The following FSD1L variants were observed in gnomAD, a reference collection of about 807,000 sequenced individuals.
FSD1L encodes the protein fibronectin type III and SPRY domain containing 1 like, also known as FSD1-like protein.
A neutral mutation model predicts 71.6 loss-of-function variants in FSD1L; 45 were observed. That is an observed-to-expected ratio of 0.63 (90% CI 0.49 to 0.81). The LOEUF is 0.81. Among genes scored for constraint, FSD1L ranks in the 30% least tolerant of loss-of-function variants. The pLI, the probability that FSD1L is intolerant of heterozygous loss-of-function variation, is 0.00. For synonymous variants in FSD1L, 197 were observed against 207.2 expected, an observed-to-expected ratio of 0.95 and a Z score of 0.42; for missense variants, 561 against 618.1, an observed-to-expected ratio of 0.91 and a Z score of 0.98.
chr9:105,467,243 A>G (rs1482589698), intron 3 of FSD1L, among the ~76,000 whole-genome samples: 1 of 152,182 alleles, frequency 6.6e-6, no homozygotes, highest in Non-Finnish European at 1.5e-5. Context: ...TAGTTTTTAT[A>G]AACATTATAA....
chr9:105,466,326 T>C (rs1831065348), intron 3 of FSD1L, among the ~76,000 whole-genome samples: 1 of 152,218 alleles, frequency 6.6e-6, no homozygotes, highest in Admixed American at 6.5e-5. Flanking sequence ...ATCTACAGAT[T>C]CATTGTAATC....
chr9:105,494,595 A>C (rs941855552), intron 7 of FSD1L, among the ~76,000 whole-genome samples: 1 of 151,996 alleles, frequency 6.6e-6, no homozygotes, highest in Non-Finnish European at 1.5e-5. Context: ...TAGAGTTTCC[A>C]GTTTTTCTGT....
At chr9:105,530,535 G>T in intron 10 of FSD1L, 1 of 677,912 alleles carries the variant, frequency 1.5e-6, no homozygotes. Flanking sequence ...TTGTTTTTCT[G>T]TTATCAAAAG....
intron 10 of FSD1L, among the ~76,000 whole-genome samples, chr9:105,515,096 C>G (rs894630854): frequency 6.6e-6 from 1 of 152,072 alleles, no homozygotes; most frequent in African/African-American, 2.4e-5. Context: ...GGAATTGCAA[C>G]TCTCTCTCGA....
rs571155513 is a variant in FSD1L at position 105,492,596 on chromosome 9, T to C, written c.586+8094T>C. ...AGTTCTTTTAATTGTGATGTTAGGG[T>C]GTGAATTTTGGATCTTTTCTGCTTT... On this transcript the variant is annotated intron_variant, in intron 7 of 13. Coordinates refer to ENST00000481272, the MANE Select transcript of FSD1L (RefSeq NM_001145313.3). Among the ~76,000 whole-genome samples, 462 of 152,274 alleles carry C rather than the reference T, an allele frequency of 3.0e-3. 3 individuals carry two copies. The highest frequency in any genetic ancestry group is 0.011 in the African/African-American group (446 of 41,540).
chr9:105,509,087 C>T (rs1834245599), intron 9 of FSD1L, among the ~76,000 whole-genome samples: 1 of 152,132 alleles, frequency 6.6e-6, no homozygotes, highest in African/African-American at 2.4e-5. Context: ...TTCAGGTCCT[C>T]TCTGTTTTCC....
At chr9:105,480,644 A>G (rs7023302) in intron 6 of FSD1L, among the ~76,000 whole-genome samples, 19,851 of 152,134 alleles carry the variant, frequency 0.13, 1,672 homozygotes, top group East Asian at 0.46. Flanking sequence ...GTAGCTAAAG[A>G]CATGGATCAT....
At chr9:105,460,906 A>G (rs538483193) in intron 1 of FSD1L, among the ~76,000 whole-genome samples, 70 of 152,314 alleles carry the variant, frequency 4.6e-4, no homozygotes, top group South Asian at 1.0e-3. Context: ...TTACTTATGT[A>G]CCAATTTCTT....
chr9:105,509,120 C>T (rs1353575290), intron 9 of FSD1L, among the ~76,000 whole-genome samples: 1 of 152,048 alleles, frequency 6.6e-6, no homozygotes, highest in East Asian at 1.9e-4. Flanking sequence ...CAACAGTTAA[C>T]GTTTATATAG....
intron 7 of FSD1L, among the ~76,000 whole-genome samples, chr9:105,493,185 T>G (rs2131761025): frequency 6.6e-6 from 1 of 152,246 alleles, no homozygotes; most frequent in East Asian, 1.9e-4. Context: ...TGGGTGCTCC[T>G]GTATTGGGTG....
chr9:105,504,529 A>G (rs992146037), intron 7 of FSD1L, among the ~76,000 whole-genome samples: 7 of 152,132 alleles, frequency 4.6e-5, no homozygotes, highest in Non-Finnish European at 1.0e-4. Flanking sequence ...CTTAACTTTA[A>G]TATGTAATTC....
At chr9:105,525,926 C>A in intron 10 of FSD1L, 1 of 1,565,288 alleles carries the variant, frequency 6.4e-7, no homozygotes, top group East Asian at 2.2e-5. Flanking sequence ...TCTGATGATT[C>A]TTTGACCAAA....
chr9:105,533,162 A>G (rs1405979726), intron 10 of FSD1L, among the ~76,000 whole-genome samples: 3 of 152,096 alleles, frequency 2.0e-5, no homozygotes, highest in African/African-American at 2.4e-5. Context: ...TACTTTTAGG[A>G]TAATCTTGAC....
Position 105,551,197 on chromosome 9 carries a change from C to A in FSD1L, c.*4714C>A, listed in dbSNP as rs186090208. On this transcript the variant is annotated 3_prime_UTR_variant, in exon 14 of 14. Coordinates refer to ENST00000481272, the MANE Select transcript of FSD1L (RefSeq NM_001145313.3). ...AGACTCTTTAAAATCAACTTTATAA[C>A]TAATTCATACTATAAGACAGATAAT... The A allele has an allele frequency of 6.6e-6, 1 of 152,074 alleles. No homozygotes were observed. Among genetic ancestry groups the A allele is most frequent in the East Asian group, 1.9e-4 (1 of 5,184 alleles). The allele number at this position is 152,074 out of a possible 1,614,324, so 9.4% of individuals were successfully genotyped here. A position where few individuals can be genotyped will look rare whatever the true frequency, so the allele number is the denominator to read the frequency against.
Position 105,539,272 on chromosome 9 carries a change from C to A in FSD1L, c.1388C>A (p.Ser463Ter). 1 of 1,453,154 alleles carries A rather than the reference C, an allele frequency of 6.9e-7. No individual in the cohort carries two copies. Among genetic ancestry groups the A allele is most frequent in the Non-Finnish European group, 9.3e-7 (1 of 1,079,816 alleles). The allele number at this position is 1,453,154 out of a possible 1,614,324, so 90.0% of individuals were successfully genotyped here. ...VFCDFDGGQL[S>*]FYDANSKQLL... Reference sequence around the variant, plus strand: ...TTTCCTTCTTTTTTAGGTCAACTTTCATTCTATGATGCAAATTCTAAACAG... The same window carrying A: ...TTTCCTTCTTTTTTAGGTCAACTTTAATTCTATGATGCAAATTCTAAACAG... Residue 463 changes from serine to a stop codon, truncating the protein, a stop_gained, in exon 13 of 14, where the codon TCA becomes TAA. Coordinates refer to ENST00000481272, the MANE Select transcript of FSD1L (RefSeq NM_001145313.3). LOFTEE classifies it high-confidence loss of function.
At chr9:105,530,338 CT>C (rs1048431566) in intron 10 of FSD1L, among the ~76,000 whole-genome samples, 24 of 152,172 alleles carry the variant, frequency 1.6e-4, no homozygotes, top group African/African-American at 5.3e-4. Context: ...TGACATAAAA[CT>C]TATTATAAGT....
chr9:105,503,911 T>G (rs1009603968), intron 7 of FSD1L, among the ~76,000 whole-genome samples: 1 of 152,254 alleles, frequency 6.6e-6, no homozygotes, highest in African/African-American at 2.4e-5. Flanking sequence ...GTTTCCATTT[T>G]GTCACTTGAC....
chr9:105,525,266 C>T, intron 10 of FSD1L: 2 of 1,607,218 alleles, frequency 1.2e-6, no homozygotes. Context: ...ACTTGGGATA[C>T]AATAAGAGAT....
intron 9 of FSD1L, among the ~76,000 whole-genome samples, chr9:105,510,056 T>C (rs934160533): frequency 3.3e-5 from 5 of 152,382 alleles, no homozygotes; most frequent in Admixed American, 6.5e-5. Flanking sequence ...TGGTGAATTA[T>C]AATTTCTATG....
Sources: allele counts gnomAD v4.1 joint callset (sites outside exome capture counted in the v4.1 genomes callset), GRCh38; gene constraint gnomAD v4.1.1; transcripts MANE v1.5; gene names NCBI Gene and HGNC (gene_info 2026-07-23, HGNC 2026-07-21).